The following WDTC1 variants were observed in gnomAD, a reference collection of about 807,000 sequenced individuals.
WDTC1 encodes WD and tetratricopeptide repeats protein 1.
A neutral mutation model predicts 76.0 loss-of-function variants in WDTC1; 12 were observed. The observed-to-expected ratio is 0.16, with a 90% confidence interval of 0.10 to 0.26. The LOEUF (loss-of-function observed/expected upper bound fraction) is 0.26. Among genes scored for constraint, WDTC1 ranks in the 10% least tolerant of loss-of-function variants. The pLI is 1.00. For synonymous variants in WDTC1, 326 were observed against 350.8 expected (o/e 0.93, Z 0.79); for missense variants, 511 against 908.8 (o/e 0.56, Z 5.63).
intron 1 of WDTC1, among the ~76,000 whole-genome samples, chr1:27,249,266 C>CAAAAAAAAAAA (rs71010343): frequency 7.1e-6 from 1 of 140,248 alleles, no homozygotes. Flanking sequence ...GAGACTGTCT[C>CAAAAAAAAAAA]AAAAAAAAAA....
intron 3 of WDTC1, among the ~76,000 whole-genome samples, chr1:27,279,125 T>C (rs1346247585): frequency 2.0e-5 from 3 of 152,208 alleles, no homozygotes. Context: ...ATCTTACTGA[T>C]TTATATGTTT....
Position 27,261,106 on chromosome 1 carries a change from A to T in WDTC1, c.48+4A>T, listed in dbSNP as rs1415636110. On this transcript the variant is annotated splice_donor_region_variant and intron_variant, in intron 2 of 15. Transcript: ENST00000319394. ...CCTCATCCGTAGGCAGATCAAGGTA[A>T]GCAGCCCAGACTTCTGCACCAGATC... 6.2e-7 allele frequency: 1 copy of T among 1,613,996 alleles called. No homozygotes were observed. The highest frequency in any genetic ancestry group is 8.5e-7 in the Non-Finnish European group (1 of 1,179,958).
chr1:27,281,051 A>C (rs1350472225), intron 3 of WDTC1, among the ~76,000 whole-genome samples: 2 of 151,062 alleles, frequency 1.3e-5, no homozygotes. Flanking sequence ...AATTTACCTT[A>C]CTGCACCAGG....
chr1:27,275,630 A>AT (rs1466191111), intron 3 of WDTC1, among the ~76,000 whole-genome samples: 146 of 151,842 alleles, frequency 9.6e-4, no homozygotes, highest in African/African-American at 3.2e-3. Flanking sequence ...AAAAAAAAAA[A>AT]AAATAAAGAA....
Position 27,287,654 on chromosome 1 carries a change from C to T in WDTC1, c.292-20C>T, listed in dbSNP as rs765934449. 1.6e-5 allele frequency: 25 copies of T among 1,606,742 alleles called. No individual in the cohort carries two copies. Among genetic ancestry groups the T allele is most frequent in the South Asian group, 7.8e-5 (7 of 89,942 alleles). Reference sequence around the variant, plus strand: ...TTTCTACTCTTACCACCCACCCCTTCCTCCATTTCTCCTATATAGTTCCTG... The same window carrying T: ...TTTCTACTCTTACCACCCACCCCTTTCTCCATTTCTCCTATATAGTTCCTG... On this transcript the variant is annotated intron_variant, in intron 5 of 15. Coordinates refer to ENST00000319394, the MANE Select transcript of WDTC1 (RefSeq NM_001276252.2).
chr1:27,298,052 G>A lies in WDTC1; in HGVS notation c.1173G>A (p.Arg391=), dbSNP rs750837259. 2 of 1,613,830 alleles carry A rather than the reference G, an allele frequency of 1.2e-6. No individual in the cohort carries two copies. Among genetic ancestry groups the A allele is most frequent in the South Asian group, 1.1e-5 (1 of 91,070 alleles). Residue 391 remains arginine, a synonymous_variant, in exon 12 of 16, where the codon AGG becomes AGA. Coordinates refer to ENST00000319394, the MANE Select transcript of WDTC1 (RefSeq NM_001276252.2). The stretch of plus-strand genomic sequence containing the variant: ...AGCTTTACAGCAAGGCTGTGCAGAG[G>A]GCCCCTCACAATGCCATGCTTTATG... ...AIQLYSKAVQ[R]APHNAMLYGN...
In WDTC1 at chr1:27,280,345, ACATAT is replaced by A. The variant is rs1446800892; in HGVS notation, c.133-1890_133-1886del. On this transcript the variant is annotated intron_variant, in intron 3 of 15. Transcript: ENST00000319394. Reference sequence around the variant, plus strand: ...TTCAAATCATTCTGACTTTAAGACAACATATCATTAAGTCAATGGAGAGTGAGTGA... The same window carrying A: ...TTCAAATCATTCTGACTTTAAGACAACATTAAGTCAATGGAGAGTGAGTGA... Among the ~76,000 whole-genome samples, 6 of 152,364 alleles carry A rather than the reference ACATAT, an allele frequency of 3.9e-5. No homozygotes were observed. In the East Asian group the frequency reaches 1.2e-3, roughly 29 times the overall value.
intron 1 of WDTC1, among the ~76,000 whole-genome samples, chr1:27,247,969 C>T (rs981868388): frequency 2.0e-4 from 31 of 152,166 alleles, no homozygotes; most frequent in Non-Finnish European, 4.1e-4. Context: ...CTGCCCGCCT[C>T]GGCCTCCCAA....
Position 27,248,672 on chromosome 1 carries a change from T to A in WDTC1, c.-99-12284T>A, listed in dbSNP as rs186090528. The stretch of plus-strand genomic sequence containing the variant: ...CACTTAAAAACTTTTTATTATTATT[T>A]TTTTTTATTCAGAGTCTTGCCCTGT... On this transcript the variant is annotated intron_variant, in intron 1 of 15. Coordinates refer to ENST00000319394, the MANE Select transcript of WDTC1 (RefSeq NM_001276252.2). 4.0e-3 allele frequency among the ~76,000 whole-genome samples: 611 copies of A among 152,318 alleles called. 2 individuals carry two copies. Among genetic ancestry groups the A allele is most frequent in the African/African-American group, 0.013 (547 of 41,574 alleles).
chr1:27,254,231 G>A (rs1442294421), intron 1 of WDTC1, among the ~76,000 whole-genome samples: 2 of 152,166 alleles, frequency 1.3e-5, no homozygotes, highest in African/African-American at 4.8e-5. Context: ...GAGAAGATAG[G>A]CATGCTCCAA....
At chr1:27,270,548 C>T (rs1428942715) in intron 3 of WDTC1, among the ~76,000 whole-genome samples, 1 of 152,042 alleles carries the variant, frequency 6.6e-6, no homozygotes, top group Non-Finnish European at 1.5e-5. Flanking sequence ...CAAAAATTAG[C>T]CAGGGGTGGT....
intron 12 of WDTC1, among the ~76,000 whole-genome samples, chr1:27,299,950 T>C (rs1436236671): frequency 6.6e-6 from 1 of 152,184 alleles, no homozygotes; most frequent in Admixed American, 6.5e-5. Flanking sequence ...CTCTGGCTCC[T>C]GGCTGGTCTC....
chr1:27,234,868 T>TAC lies in WDTC1; in HGVS notation c.-183_-182insAC, dbSNP rs2011459011. The TAC allele has an allele frequency of 5.0e-6, 2 of 396,476 alleles. No homozygotes were observed. Among genetic ancestry groups the TAC allele is most frequent in the Non-Finnish European group, 8.9e-6 (2 of 224,902 alleles). 24.6% of individuals were successfully genotyped at this position (396,476 alleles called of 1,614,324 possible). A position where few individuals can be genotyped will look rare whatever the true frequency, so the allele number is the denominator to read the frequency against. ...CCCCTCCCCGGGATCCGCGCCCCCC[T>TAC]TCCCGGGAGAGGGGCCGCCCCCCCC... On this transcript the variant is annotated 5_prime_UTR_variant, in exon 1 of 16. Coordinates refer to ENST00000319394, the MANE Select transcript of WDTC1 (RefSeq NM_001276252.2).
intron 6 of WDTC1, among the ~76,000 whole-genome samples, chr1:27,288,312 T>C (rs1203419973): frequency 6.6e-6 from 1 of 152,128 alleles, no homozygotes; most frequent in Non-Finnish European, 1.5e-5. Context: ...TAACTCTAAT[T>C]GCCACCTGTA....
rs141070653 is a variant in WDTC1 at position 27,281,799 on chromosome 1, A to G, written c.133-440A>G. ...GAGATGGGGTTTCGCCGTGTTGCCC[A>G]GGTTGATTACAACTCCTGAGCTCAA... is the stretch of plus-strand genomic sequence containing the variant. On this transcript the variant is annotated intron_variant, in intron 3 of 15. Coordinates refer to ENST00000319394, the MANE Select transcript of WDTC1 (RefSeq NM_001276252.2). Among the ~76,000 whole-genome samples, 319 of 152,194 alleles carry G rather than the reference A, an allele frequency of 2.1e-3. 2 individuals carry two copies. The highest frequency in any genetic ancestry group is 7.3e-3 in the African/African-American group (304 of 41,530).
In WDTC1 at chr1:27,306,497, C is replaced by T. The variant is rs1280411973; in HGVS notation, c.*114C>T. The T allele has an allele frequency of 7.6e-7, 1 of 1,315,206 alleles. No homozygotes were observed. 81.5% of individuals were successfully genotyped at this position (1,315,206 alleles called of 1,614,324 possible). On this transcript the variant is annotated 3_prime_UTR_variant, in exon 16 of 16. Coordinates refer to ENST00000319394, the MANE Select transcript of WDTC1 (RefSeq NM_001276252.2). This position sits in a 1 kb window ranked among gnomAD's most constrained non-coding sequence, Gnocchi z 5.0. ...CCCCACCACCCTTTTTTTTCATTTC[C>T]CCTGTTTTGTTTGTTAGTTTGGCGT...
chr1:27,306,115 TC>T lies in WDTC1; in HGVS notation c.1837-67del. Reference sequence around the variant, plus strand: ...TTTAGTCTGTGTATTTCCCTCCCCCTCCCCTATACGTGTACCCTGGTGCCTC... The same window carrying T: ...TTTAGTCTGTGTATTTCCCTCCCCCTCCCTATACGTGTACCCTGGTGCCTC... On this transcript the variant is annotated intron_variant, in intron 15 of 15. Coordinates refer to ENST00000319394, the MANE Select transcript of WDTC1 (RefSeq NM_001276252.2). This position sits in a 1 kb window ranked among gnomAD's most constrained non-coding sequence, Gnocchi z 5.0. 1 of 1,504,304 alleles carries T rather than the reference TC, an allele frequency of 6.6e-7. No individual in the cohort carries two copies. The allele number at this position is 1,504,304 out of a possible 1,614,324, so 93.2% of individuals were successfully genotyped here.
chr1:27,293,435 TAA>T (rs35845132), intron 7 of WDTC1, among the ~76,000 whole-genome samples: 3 of 130,628 alleles, frequency 2.3e-5, no homozygotes, highest in Admixed American at 7.8e-5. Context: ...CAGTCTCAAT[TAA>T]AAAAAAAAAA....
At chr1:27,297,250 A>G (rs955200496) in intron 11 of WDTC1, 94 bp downstream of exon 11, 1 of 1,144,986 alleles carries the variant, frequency 8.7e-7, no homozygotes, top group South Asian at 1.4e-5. Context: ...CTCCTGACCC[A>G]CACCCACTCA....
Sources: allele counts gnomAD v4.1 joint callset (sites outside exome capture counted in the v4.1 genomes callset), GRCh38; gene constraint gnomAD v4.1.1; non-coding constraint Gnocchi (gnomAD v3.1); transcripts MANE v1.5; gene names NCBI Gene and HGNC (gene_info 2026-07-23, HGNC 2026-07-21).